The following ADD2 variants were observed in gnomAD, a reference collection of about 807,000 sequenced individuals.
ADD2 encodes adducin 2, also known as beta-adducin.
Under a neutral mutation model 83.0 loss-of-function variants are expected in ADD2, and 23 were observed. The ratio of observed to expected loss-of-function variants is 0.28; its 90% CI spans 0.20 to 0.39. The LOEUF (loss-of-function observed/expected upper bound fraction) is 0.39, where lower values mean the gene tolerates loss of function less well. Among genes scored for constraint, ADD2 ranks in the 10% least tolerant of loss-of-function variants. The pLI, the probability that ADD2 is intolerant of heterozygous loss-of-function variation, is 1.00. For synonymous variants in ADD2, 375 were observed against 375.4 expected (o/e 1.00, Z 0.01); for missense variants, 758 against 944.9 (o/e 0.80, Z 2.59).
chr2:70,725,407 AAT>A (rs782346549), intron 1 of ADD2, among the ~76,000 whole-genome samples: 15 of 150,098 alleles, frequency 1.0e-4, no homozygotes, highest in Non-Finnish European at 1.2e-4. Context: ...CCCTGCCAAA[AAT>A]ATATATATAT....
At chr2:70,683,439 C>T in intron 10 of ADD2, 152 bp downstream of exon 10, 1 of 868,854 alleles carries the variant, frequency 1.2e-6, no homozygotes, top group Non-Finnish European at 1.7e-6. Flanking sequence ...AGAATAACCA[C>T]ACATTCTAAA....
intron 1 of ADD2, among the ~76,000 whole-genome samples, chr2:70,743,410 G>C (rs1267905452): frequency 1.3e-5 from 2 of 152,210 alleles, no homozygotes; most frequent in Non-Finnish European, 2.9e-5. Context: ...GAAAGGAAAA[G>C]TTCAGCATTT....
chr2:70,737,232 C>G (rs1432082079), intron 1 of ADD2, among the ~76,000 whole-genome samples: 2 of 152,064 alleles, frequency 1.3e-5, no homozygotes, highest in African/African-American at 4.8e-5. Context: ...TGGGTATATA[C>G]CCAAAGGATT....
chr2:70,687,961 G>A (rs973240042), intron 9 of ADD2, 63 bp downstream of exon 9: 9 of 1,289,388 alleles, frequency 7.0e-6, no homozygotes, highest in East Asian at 2.3e-5. Context: ...GGGTCACCAC[G>A]TTTGCCCACA....
At chr2:70,719,690 G>A (rs1437413353) in intron 1 of ADD2, among the ~76,000 whole-genome samples, 1 of 152,192 alleles carries the variant, frequency 6.6e-6, no homozygotes, top group African/African-American at 2.4e-5. Flanking sequence ...GTCTAATTGA[G>A]CTGACTGTCC....
chr2:70,701,443 T>A (rs1173646046), intron 4 of ADD2, among the ~76,000 whole-genome samples: 1 of 152,140 alleles, frequency 6.6e-6, no homozygotes, highest in Admixed American at 6.5e-5. Context: ...ACAACTTCCA[T>A]TAAAGTCAGA....
At chr2:70,724,828 C>T (rs1672906115) in intron 1 of ADD2, among the ~76,000 whole-genome samples, 1 of 152,216 alleles carries the variant, frequency 6.6e-6, no homozygotes, top group East Asian at 1.9e-4. Flanking sequence ...AAACTTTACA[C>T]AGTATTGGGT....
At chr2:70,693,788 C>G (rs1671172707) in intron 6 of ADD2, among the ~76,000 whole-genome samples, 1 of 152,176 alleles carries the variant, frequency 6.6e-6, no homozygotes, top group African/African-American at 2.4e-5. Context: ...GATGATCTCT[C>G]TCTGATCTTA....
At chr2:70,693,770 C>T (rs1574252266) in intron 6 of ADD2, among the ~76,000 whole-genome samples, 1 of 152,130 alleles carries the variant, frequency 6.6e-6, no homozygotes, top group African/African-American at 2.4e-5. Context: ...TTAGAATTCC[C>T]TCTCTCAGAT....
rs1397254329 is a variant in ADD2 at position 70,676,763 on chromosome 2, T to G, written c.1593+33A>C. The G allele has an allele frequency of 6.2e-7, 1 of 1,613,894 alleles. No homozygotes were observed. The highest frequency in any genetic ancestry group is 2.2e-5 in the East Asian group (1 of 44,888). On this transcript the variant is annotated intron_variant, in intron 13 of 15. Coordinates refer to ENST00000264436, the MANE Select transcript of ADD2 (RefSeq NM_001617.4). The surrounding 1 kb of genome is among the most constrained non-coding windows in gnomAD (Gnocchi z 4.8). ...CAGAAGACCCCGAAGGCAAACACGT[T>G]TCCCCGCCAGTCAGGGGCAGCCTCT... is the stretch of plus-strand genomic sequence containing the variant.
At chr2:70,704,550 G>A (rs1671791730) in intron 3 of ADD2, 91 bp from the exon 4 acceptor site, 6 of 1,524,802 alleles carry the variant, frequency 3.9e-6, no homozygotes, top group South Asian at 3.7e-5. Context: ...CCTTGCCCCT[G>A]GGTCAGCTAG....
intron 1 of ADD2, among the ~76,000 whole-genome samples, chr2:70,740,710 A>AT (rs1673844010): frequency 6.6e-6 from 1 of 151,106 alleles, no homozygotes; most frequent in African/African-American, 2.4e-5. Flanking sequence ...TTATTTATTT[A>AT]TTTTTTTGAG....
chr2:70,667,034 C>T (rs1675829841), intron 15 of ADD2, among the ~76,000 whole-genome samples: 1 of 152,166 alleles, frequency 6.6e-6, no homozygotes. Flanking sequence ...GTACTGAGGA[C>T]AGGCTCTGAT....
At chr2:70,749,016 C>T (rs1674375952) in intron 1 of ADD2, among the ~76,000 whole-genome samples, 1 of 152,106 alleles carries the variant, frequency 6.6e-6, no homozygotes, top group Admixed American at 6.5e-5. Context: ...TCTCATGTTG[C>T]TATGAAGGAA....
intron 2 of ADD2, 57 bp downstream of exon 2, chr2:70,713,009 G>A: frequency 1.3e-6 from 1 of 796,576 alleles, no homozygotes; most frequent in Non-Finnish European, 1.5e-6. Context: ...CACGTGATGG[G>A]CCCAGCCAAA....
At chr2:70,759,582 A>G (rs1674978299) in intron 1 of ADD2, among the ~76,000 whole-genome samples, 1 of 151,096 alleles carries the variant, frequency 6.6e-6, no homozygotes, top group Non-Finnish European at 1.5e-5. Flanking sequence ...GTGAGTTCTC[A>G]CTCTTTTCAT....
At chr2:70,664,323 C>A (rs1347871729) in intron 15 of ADD2, among the ~76,000 whole-genome samples, 1 of 152,176 alleles carries the variant, frequency 6.6e-6, no homozygotes, top group Non-Finnish European at 1.5e-5. Flanking sequence ...CCCTGGTCAG[C>A]CCTTTCTAGC....
intron 1 of ADD2, among the ~76,000 whole-genome samples, chr2:70,725,820 G>A (rs1318947916): frequency 6.6e-6 from 1 of 152,112 alleles, no homozygotes; most frequent in East Asian, 1.9e-4. Flanking sequence ...CTAACCTGCA[G>A]ATTCTGATTC....
chr2:70,695,929 T>TCC (rs1297123689), intron 5 of ADD2, 128 bp from the exon 6 acceptor site: 2 of 770,832 alleles, frequency 2.6e-6, no homozygotes, highest in Non-Finnish European at 4.2e-6. Context: ...CCCTTATCTC[T>TCC]CCCCCCCAGC....
Sources: allele counts gnomAD v4.1 joint callset (sites outside exome capture counted in the v4.1 genomes callset), GRCh38; gene constraint gnomAD v4.1.1; non-coding constraint Gnocchi (gnomAD v3.1); transcripts MANE v1.5; gene names NCBI Gene and HGNC (gene_info 2026-07-23, HGNC 2026-07-21).